The following SLC17A5 variants were observed in gnomAD, a reference collection of about 807,000 sequenced individuals.
The protein encoded by SLC17A5 is solute carrier family 17 member 5.
A neutral mutation model predicts 59.4 loss-of-function variants in SLC17A5; 47 were observed. The ratio of observed to expected loss-of-function variants is 0.79; its 90% CI spans 0.63 to 1.01. The LOEUF (loss-of-function observed/expected upper bound fraction) is 1.01. Ranked by LOEUF, SLC17A5 falls within the 50% of genes least tolerant of loss-of-function variation. The probability of loss-of-function intolerance (pLI) is 0.00; values close to 1 mark genes in which losing one functional copy is unlikely to be tolerated. For missense variants in SLC17A5, 522 were observed against 595.5 expected, an observed-to-expected ratio of 0.88 and a Z score of 1.28; for synonymous variants, 202 against 210.7, an observed-to-expected ratio of 0.96 and a Z score of 0.36.
intron 1 of SLC17A5, among the ~76,000 whole-genome samples, chr6:73,650,498 A>G (rs1769804631): frequency 7.7e-6 from 1 of 130,660 alleles, no homozygotes; most frequent in Admixed American, 8.6e-5. Flanking sequence ...AAAGAGCAAG[A>G]CTCCGTCTCA....
chr6:73,602,706 C>T (rs890257185), intron 9 of SLC17A5, among the ~76,000 whole-genome samples: 2 of 148,996 alleles, frequency 1.3e-5, no homozygotes, highest in African/African-American at 2.5e-5. Context: ...ACCTGGGAGG[C>T]GGAGCTTGCA....
At chr6:73,653,286 A>C in intron 1 of SLC17A5, 2 of 985,424 alleles carry the variant, frequency 2.0e-6, no homozygotes, top group Non-Finnish European at 2.4e-6. Context: ...GCTGGCGGAT[A>C]CGCAGTGGCG....
chr6:73,619,126 G>A (rs80333997), intron 7 of SLC17A5, among the ~76,000 whole-genome samples: 3,117 of 152,158 alleles, frequency 0.02, 48 homozygotes, highest in Non-Finnish European at 0.03. Context: ...TGGCAGAGCC[G>A]TCAGAAGACA....
chr6:73,636,840 G>A (rs888794461), intron 4 of SLC17A5, 133 bp from the exon 5 acceptor site: 4 of 712,768 alleles, frequency 5.6e-6, no homozygotes, highest in African/African-American at 5.3e-5. Flanking sequence ...CTGCACTTTG[G>A]GAGGCTGATG....
Position 73,610,542 on chromosome 6 carries a change from T to C in SLC17A5, c.1117A>G (p.Ile373Val). Residue 373 changes from isoleucine (I) to valine (V), a missense_variant, in exon 9 of 11, where the codon ATT (isoleucine) becomes GTT (valine). This residue lies in a region of SLC17A5 where 153 missense variants were observed against 168.5 expected (regional missense o/e 0.91). Transcript: ENST00000355773. ...GCTACCAGGAATACTGCAGGTCCAA[T>C]CATTCCTGGAGTTAAAAAGTTATAA... ...VRRIFSLIGM[I>V]GPAVFLVAAG... 6.2e-7 allele frequency: 1 copy of C among 1,614,008 alleles called. No individual in the cohort carries two copies. Among genetic ancestry groups the C allele is most frequent in the Non-Finnish European group, 8.5e-7 (1 of 1,179,978 alleles).
intron 4 of SLC17A5, among the ~76,000 whole-genome samples, chr6:73,638,132 GA>G (rs1424784036): frequency 6.7e-6 from 1 of 148,596 alleles, no homozygotes; most frequent in African/African-American, 2.5e-5. Context: ...AACAGAAAAA[GA>G]AAAAAAATAG....
At chr6:73,618,406 A>G (rs528606168) in intron 7 of SLC17A5, 1 of 315,318 alleles carries the variant, frequency 3.2e-6, no homozygotes, top group African/African-American at 2.2e-5. Context: ...ACACAAGAAG[A>G]AATGCCTGGT....
At chr6:73,610,311 GGT>G (rs2150086483) in intron 9 of SLC17A5, 87 bp downstream of exon 9, 1 of 1,482,046 alleles carries the variant, frequency 6.7e-7, no homozygotes, top group East Asian at 2.3e-5. Flanking sequence ...TGGGATTACA[GGT>G]GTGAGTCACC....
intron 10 of SLC17A5, among the ~76,000 whole-genome samples, chr6:73,595,986 G>C (rs140942085): frequency 6.8e-6 from 1 of 147,814 alleles, no homozygotes; most frequent in Non-Finnish European, 1.5e-5. Context: ...ATATATTTTT[G>C]GTAGAGATGG....
chr6:73,601,959 C>T (rs901474193), intron 9 of SLC17A5, among the ~76,000 whole-genome samples: 2 of 151,890 alleles, frequency 1.3e-5, no homozygotes, highest in African/African-American at 4.8e-5. Context: ...TCATTGAGAA[C>T]GGGCTGGGAT....
chr6:73,625,290 G>A (rs1768352360), intron 6 of SLC17A5, among the ~76,000 whole-genome samples: 1 of 152,134 alleles, frequency 6.6e-6, no homozygotes, highest in African/African-American at 2.4e-5. Context: ...AGGTTCAAAC[G>A]ATTCTCCTGC....
chr6:73,626,115 G>A (rs1768398807), intron 6 of SLC17A5, among the ~76,000 whole-genome samples: 1 of 152,160 alleles, frequency 6.6e-6, no homozygotes, highest in African/African-American at 2.4e-5. Flanking sequence ...TCTGAAGAAT[G>A]TACCCTACCT....
intron 9 of SLC17A5, among the ~76,000 whole-genome samples, chr6:73,607,452 G>A (rs1767445373): frequency 1.3e-5 from 2 of 152,074 alleles, no homozygotes; most frequent in African/African-American, 4.8e-5. Context: ...TTTTAGTAGA[G>A]ACAGAGTTTC....
chr6:73,629,408 C>CAAAA (rs1768590122), intron 6 of SLC17A5, among the ~76,000 whole-genome samples: 1 of 151,860 alleles, frequency 6.6e-6, no homozygotes, highest in South Asian at 2.1e-4. Context: ...CAAAACAACA[C>CAAAA]ACAAACAAAA....
chr6:73,612,498 G>A (rs1767676734), intron 8 of SLC17A5, among the ~76,000 whole-genome samples: 1 of 152,168 alleles, frequency 6.6e-6, no homozygotes, highest in Non-Finnish European at 1.5e-5. Flanking sequence ...TATAGTCACT[G>A]AGACTTCCAG....
intron 6 of SLC17A5, 44 bp downstream of exon 6, chr6:73,635,338 A>T (rs573780224): frequency 9.1e-7 from 1 of 1,098,816 alleles, no homozygotes; most frequent in Non-Finnish European, 1.4e-6. Flanking sequence ...TTCTGAAGAA[A>T]AAAAGTTTCT....
intron 6 of SLC17A5, among the ~76,000 whole-genome samples, chr6:73,623,428 C>T (rs908590927): frequency 3.3e-5 from 5 of 152,034 alleles, no homozygotes; most frequent in Admixed American, 2.0e-4. Flanking sequence ...CTCTGCCTCC[C>T]GGGTTCAAGC....
Position 73,644,467 on chromosome 6 carries a change from AT to A in SLC17A5, c.230del (p.Asn77IlefsTer14). ...MVDSNTTLEDNRTSKACPEHS... is the reference protein window; with the variant it reads ...MVDSNTTLEDXRTSKACPEHS... ...GCTCTGGACACGCCTTGGAAGTTCT[AT>A]TATCTTCTAAAGTTGTATTTGAATC... is the stretch of plus-strand genomic sequence containing the variant. On this transcript the variant is annotated frameshift_variant, in exon 2 of 11. Coordinates refer to ENST00000355773, the MANE Select transcript of SLC17A5 (RefSeq NM_012434.5). LOFTEE classifies it high-confidence loss of function. 1 of 1,614,040 alleles carries A rather than the reference AT, an allele frequency of 6.2e-7. No homozygotes were observed. The highest frequency in any genetic ancestry group is 8.5e-7 in the Non-Finnish European group (1 of 1,179,946).
chr6:73,649,781 G>GAGAAATT (rs1769760291), intron 1 of SLC17A5, among the ~76,000 whole-genome samples: 1 of 152,106 alleles, frequency 6.6e-6, no homozygotes, highest in African/African-American at 2.4e-5. Context: ...ATTAGGAATT[G>GAGAAATT]AGGTTATTTC....
Sources: gnomAD v4.1 joint callset for allele counts (sites outside exome capture counted in the v4.1 genomes callset) on GRCh38, gnomAD v4.1.1 for gene constraint, gnomAD v4.1.1 regional missense constraint, MANE v1.5 for transcripts, NCBI Gene and HGNC (gene_info 2026-07-23, HGNC 2026-07-21) for gene names.